KANSL1: variants seen among roughly 807,000 people sequenced by gnomAD.
KANSL1 encodes the protein MLL1/MLL complex subunit KANSL1.
Under a neutral mutation model 103.6 loss-of-function variants are expected in KANSL1, and 22 were observed. That is an observed-to-expected ratio of 0.21 (90% CI 0.15 to 0.30). The LOEUF is 0.30. Among genes scored for constraint, KANSL1 ranks in the 10% least tolerant of loss-of-function variants. The probability of loss-of-function intolerance (pLI) is 1.00; values close to 1 mark genes in which losing one functional copy is unlikely to be tolerated. For missense variants in KANSL1, 1,337 were observed against 1,399.8 expected (o/e 0.96, Z 0.72); for synonymous variants, 600 against 527.6 (o/e 1.14, Z -1.88).
At chr17:46,208,180 T>C (rs974236243) in intron 1 of KANSL1, among the ~76,000 whole-genome samples, 66 of 151,894 alleles carry the variant, frequency 4.3e-4, no homozygotes, top group Non-Finnish European at 8.4e-4. Flanking sequence ...GCTAAAGAAA[T>C]AATCTACTTC....
chr17:46,159,218 C>T (rs1398378356), intron 2 of KANSL1, among the ~76,000 whole-genome samples: 3 of 152,220 alleles, frequency 2.0e-5, no homozygotes, highest in South Asian at 4.1e-4. Flanking sequence ...ACAGCCTTTC[C>T]CATCACAGCC....
At chr17:46,035,248 A>T (rs1458037529) in intron 10 of KANSL1, 2 of 152,416 alleles carry the variant, frequency 1.3e-5, no homozygotes, top group Admixed American at 6.5e-5. Context: ...AAACAGCTGG[A>T]AAACACCTAA....
intron 6 of KANSL1, among the ~76,000 whole-genome samples, chr17:46,053,409 AG>A (rs1295048938): frequency 6.6e-6 from 1 of 152,172 alleles, no homozygotes; most frequent in Non-Finnish European, 1.5e-5. Flanking sequence ...AAAACTGTAA[AG>A]TACTAATAGA....
chr17:46,163,349 A>C lies in KANSL1; in HGVS notation c.1289+7506T>G, dbSNP rs144038768. The stretch of plus-strand genomic sequence containing the variant: ...CCCCATTTATAGAAGATTATTTGGA[A>C]GCTTATTTCCTCACTGTTTTTTATT... On this transcript the variant is annotated intron_variant, in intron 2 of 14. Coordinates refer to ENST00000432791, the MANE Select transcript of KANSL1 (RefSeq NM_015443.4). Among the ~76,000 whole-genome samples, 269 of 152,272 alleles carry C rather than the reference A, an allele frequency of 1.8e-3. 2 individuals are homozygous for C. The highest frequency in any genetic ancestry group is 5.8e-3 in the South Asian group (28 of 4,822).
intron 2 of KANSL1, among the ~76,000 whole-genome samples, chr17:46,105,833 T>C (rs1388541389): frequency 6.6e-6 from 1 of 150,992 alleles, no homozygotes; most frequent in Non-Finnish European, 1.5e-5. Flanking sequence ...ACTGCGCCAC[T>C]GTACTCCAGC....
intron 7 of KANSL1, among the ~76,000 whole-genome samples, chr17:46,047,169 T>C (rs79065019): frequency 0.14 from 21,790 of 152,056 alleles, 2,130 homozygotes; most frequent in Non-Finnish European, 0.22. Flanking sequence ...AGCTAGGGGG[T>C]TTTGGTAACA....
At chr17:46,145,126 T>C (rs1472498693) in intron 2 of KANSL1, among the ~76,000 whole-genome samples, 3 of 149,538 alleles carry the variant, frequency 2.0e-5, no homozygotes, top group African/African-American at 7.5e-5. Flanking sequence ...AAAACTTGCT[T>C]CTTATATTCT....
chr17:46,157,880 T>C (rs767190781), intron 2 of KANSL1, among the ~76,000 whole-genome samples: 36 of 152,248 alleles, frequency 2.4e-4, no homozygotes, highest in Non-Finnish European at 5.0e-4. Context: ...GCACAGGGTG[T>C]GCCCAAAGAA....
At chr17:46,136,850 T>C (rs1249331334) in intron 2 of KANSL1, among the ~76,000 whole-genome samples, 3 of 152,222 alleles carry the variant, frequency 2.0e-5, no homozygotes, top group Non-Finnish European at 4.4e-5. Flanking sequence ...TGAACCAACT[T>C]ATACTAAAAT....
chr17:46,138,753 A>G (rs2044276240), intron 2 of KANSL1, among the ~76,000 whole-genome samples: 2 of 152,244 alleles, frequency 1.3e-5, no homozygotes, highest in Non-Finnish European at 2.9e-5. Flanking sequence ...CAAAGATGAG[A>G]TAGTATTCCT....
At chr17:46,098,415 C>G (rs2042171393) in intron 2 of KANSL1, among the ~76,000 whole-genome samples, 1 of 152,226 alleles carries the variant, frequency 6.6e-6, no homozygotes, top group South Asian at 2.1e-4. Context: ...CCCCTCACAC[C>G]TTTTTCATCC....
chr17:46,196,453 T>C (rs925879831), upstream of KANSL1: 26 of 455,558 alleles, frequency 5.7e-5, no homozygotes, highest in Non-Finnish European at 1.0e-4. Context: ...CTAAAAATGA[T>C]GGAGGAAAAA....
At chr17:46,207,402 T>C (rs1285920849) in intron 1 of KANSL1, among the ~76,000 whole-genome samples, 3 of 151,072 alleles carry the variant, frequency 2.0e-5, no homozygotes, top group Non-Finnish European at 4.4e-5. Context: ...CCCAGCTACT[T>C]GGGAGGCTGA....
At chr17:46,097,772 G>C (rs2042147919) in intron 2 of KANSL1, among the ~76,000 whole-genome samples, 2 of 151,936 alleles carry the variant, frequency 1.3e-5, no homozygotes. Context: ...ATGACTATAG[G>C]TGAACTTGAA....
intron 2 of KANSL1, among the ~76,000 whole-genome samples, chr17:46,122,904 C>G (rs1456557520): frequency 6.6e-6 from 1 of 152,234 alleles, no homozygotes; most frequent in Admixed American, 6.5e-5. Flanking sequence ...CCCTGTCTCT[C>G]TCCCTCTCCT....
At chr17:46,177,423 A>G (rs988202062) in intron 1 of KANSL1, among the ~76,000 whole-genome samples, 2 of 152,200 alleles carry the variant, frequency 1.3e-5, no homozygotes, top group African/African-American at 4.8e-5. Flanking sequence ...TTAATATTTC[A>G]TGATGTTGTT....
intron 1 of KANSL1, among the ~76,000 whole-genome samples, chr17:46,212,298 G>A (rs1220192755): frequency 6.6e-6 from 1 of 151,512 alleles, no homozygotes; most frequent in African/African-American, 2.4e-5. Flanking sequence ...TCAGCTCACT[G>A]CAACCTCCAA....
At chr17:46,034,763 C>T (rs183759311) in intron 10 of KANSL1, 1 of 161,338 alleles carries the variant, frequency 6.2e-6, no homozygotes, top group African/African-American at 2.4e-5. Context: ...CATCATCTAA[C>T]CTTGGTTGTC....
intron 1 of KANSL1, among the ~76,000 whole-genome samples, chr17:46,176,652 C>G (rs1390932475): frequency 2.0e-5 from 3 of 150,830 alleles, no homozygotes; most frequent in Non-Finnish European, 4.4e-5. Flanking sequence ...GATTGCACCA[C>G]TGCACTCCAG....
Sources: gnomAD v4.1 joint callset for allele counts (sites outside exome capture counted in the v4.1 genomes callset) on GRCh38, gnomAD v4.1.1 for gene constraint, MANE v1.5 for transcripts, NCBI Gene and HGNC (gene_info 2026-07-23, HGNC 2026-07-21) for gene names.